The following PIBF1 variants were observed in gnomAD, a reference collection of about 807,000 sequenced individuals.
The protein encoded by PIBF1 is progesterone immunomodulatory binding factor 1, also known as progesterone-induced-blocking factor 1.
Under a neutral mutation model 112.5 loss-of-function variants are expected in PIBF1, and 90 were observed. That is an observed-to-expected ratio of 0.80 (90% confidence interval 0.67 to 0.95). The LOEUF (loss-of-function observed/expected upper bound fraction) is 0.95, where lower values mean the gene tolerates loss of function less well. Ranked by LOEUF, PIBF1 falls within the 40% of genes least tolerant of loss-of-function variation. PIBF1 has a pLI of 0.00. For synonymous variants in PIBF1, 301 were observed against 288.6 expected, an observed-to-expected ratio of 1.04 and a Z score of -0.44; for missense variants, 915 against 852.3, an observed-to-expected ratio of 1.07 and a Z score of -0.92.
chr13:72,847,279 G>A (rs2037918776), intron 9 of PIBF1, among the ~76,000 whole-genome samples: 1 of 152,158 alleles, frequency 6.6e-6, no homozygotes, highest in Non-Finnish European at 1.5e-5. Context: ...AGCACCAATT[G>A]TCTTCAGTCC....
chr13:72,925,952 A>G (rs896347147), intron 13 of PIBF1, among the ~76,000 whole-genome samples: 2 of 151,808 alleles, frequency 1.3e-5, no homozygotes, highest in African/African-American at 2.4e-5. Flanking sequence ...AGTTTATCCA[A>G]TTTTTTTTGT....
intron 12 of PIBF1, among the ~76,000 whole-genome samples, chr13:72,916,851 T>G (rs901507544): frequency 5.9e-5 from 9 of 152,138 alleles, no homozygotes; most frequent in Admixed American, 3.9e-4. Context: ...CATGATATGA[T>G]GCAATCCCTT....
At chr13:72,911,274 T>C (rs868262601) in intron 12 of PIBF1, among the ~76,000 whole-genome samples, 19 of 152,148 alleles carry the variant, frequency 1.2e-4, no homozygotes, top group African/African-American at 4.3e-4. Context: ...GATAATACAG[T>C]ACTGGCTTAA....
At chr13:72,969,001 G>A (rs1265445333) in intron 15 of PIBF1, among the ~76,000 whole-genome samples, 2 of 151,624 alleles carry the variant, frequency 1.3e-5, no homozygotes, top group African/African-American at 4.9e-5. Flanking sequence ...CTGCACTCCA[G>A]CCTGGGTGAC....
intron 9 of PIBF1, among the ~76,000 whole-genome samples, chr13:72,847,035 G>C (rs1040004167): frequency 3.3e-5 from 5 of 152,166 alleles, no homozygotes; most frequent in Admixed American, 2.0e-4. Flanking sequence ...GTCGTTTGAA[G>C]ATATATAGTA....
intron 14 of PIBF1, among the ~76,000 whole-genome samples, chr13:72,943,747 A>T (rs1411682146): frequency 6.6e-6 from 1 of 152,154 alleles, no homozygotes; most frequent in Non-Finnish European, 1.5e-5. Flanking sequence ...TTCTCTGATT[A>T]TGTCTTAAGT....
intron 17 of PIBF1, among the ~76,000 whole-genome samples, chr13:73,013,287 C>G (rs1481198961): frequency 1.8e-5 from 2 of 112,704 alleles, no homozygotes; most frequent in African/African-American, 3.9e-5. Flanking sequence ...GGCGACAGAG[C>G]GAGACTCTGT....
chr13:72,987,842 A>ATTTTTTTTTTTTTTTT (rs1566521999), intron 16 of PIBF1, among the ~76,000 whole-genome samples: 1 of 66,438 alleles, frequency 1.5e-5, no homozygotes, highest in African/African-American at 6.9e-5. Flanking sequence ...TTTGTAATTT[A>ATTTTTTTTTTTTTTTT]TTTATTTATT....
chr13:73,006,190 A>T (rs2044029621), intron 17 of PIBF1, among the ~76,000 whole-genome samples: 1 of 152,150 alleles, frequency 6.6e-6, no homozygotes, highest in Non-Finnish European at 1.5e-5. Context: ...AAGTGCTGGG[A>T]TTACAGGCAT....
chr13:72,831,379 C>T (rs1029288091), intron 8 of PIBF1, among the ~76,000 whole-genome samples: 1 of 152,148 alleles, frequency 6.6e-6, no homozygotes, highest in Non-Finnish European at 1.5e-5. Flanking sequence ...TTAGATCTTT[C>T]CTGACTTCTC....
chr13:72,792,508 G>A lies in PIBF1; in HGVS notation c.314G>A (p.Arg105Lys). 6.4e-7 allele frequency: 1 copy of A among 1,570,092 alleles called. No individual in the cohort carries two copies. The highest frequency in any genetic ancestry group is 8.6e-7 in the Non-Finnish European group (1 of 1,163,030). Residue 105 changes from arginine to lysine, a missense_variant, in exon 3 of 18, where the codon AGA (arginine) becomes AAA (lysine). Transcript: ENST00000326291. ...CACCAGAAGCAGCTACTAACATTGA[G>A]ATTAGACAACCAATTGGCTTTTCAA... ...ALHQKQLLTLRLDNQLAFQQK... is the reference protein window; with the variant it reads ...ALHQKQLLTLKLDNQLAFQQK...
At chr13:72,834,913 A>G (rs1040240354) in intron 8 of PIBF1, among the ~76,000 whole-genome samples, 1 of 152,186 alleles carries the variant, frequency 6.6e-6, no homozygotes, top group African/African-American at 2.4e-5. Flanking sequence ...AATGAAGGAC[A>G]TTCTCAATTT....
intron 10 of PIBF1, among the ~76,000 whole-genome samples, chr13:72,869,474 G>A (rs1195732721): frequency 8.2e-6 from 1 of 122,580 alleles, no homozygotes; most frequent in Non-Finnish European, 1.6e-5. Flanking sequence ...TGTGGGGTGG[G>A]GGGAGGGGGA....
At chr13:73,009,418 G>A (rs1270049524) in intron 17 of PIBF1, among the ~76,000 whole-genome samples, 1 of 152,212 alleles carries the variant, frequency 6.6e-6, no homozygotes, top group Non-Finnish European at 1.5e-5. Context: ...CGTGATCCCA[G>A]CAGCCTCTGT....
At chr13:72,873,469 C>A (rs1305192102) in intron 10 of PIBF1, among the ~76,000 whole-genome samples, 1 of 152,084 alleles carries the variant, frequency 6.6e-6, no homozygotes, top group African/African-American at 2.4e-5. Flanking sequence ...TGGGCACGAT[C>A]TCTGCTCACT....
intron 10 of PIBF1, among the ~76,000 whole-genome samples, chr13:72,882,952 G>A (rs936967871): frequency 1.3e-5 from 2 of 152,052 alleles, no homozygotes; most frequent in Non-Finnish European, 2.9e-5. Flanking sequence ...AATGATTGCT[G>A]GATCATATGG....
chr13:73,007,943 C>T (rs906342448), intron 17 of PIBF1, among the ~76,000 whole-genome samples: 1 of 152,114 alleles, frequency 6.6e-6, no homozygotes, highest in Non-Finnish European at 1.5e-5. Flanking sequence ...GTGTTTGGAA[C>T]AGGGCTATCA....
chr13:72,806,360 T>C (rs76193600), intron 5 of PIBF1, among the ~76,000 whole-genome samples: 1,646 of 150,458 alleles, frequency 0.011, 27 homozygotes, highest in African/African-American at 0.038. Flanking sequence ...TGTTGTAGCA[T>C]GTGACAGAAT....
At chr13:72,847,210 A>C (rs2037915800) in intron 9 of PIBF1, among the ~76,000 whole-genome samples, 1 of 152,196 alleles carries the variant, frequency 6.6e-6, no homozygotes, top group African/African-American at 2.4e-5. Context: ...ATTTGGGTTC[A>C]ATGTTTATCT....
Sources: gnomAD v4.1 joint callset for allele counts (sites outside exome capture counted in the v4.1 genomes callset) on GRCh38, gnomAD v4.1.1 for gene constraint, MANE v1.5 for transcripts, NCBI Gene and HGNC (gene_info 2026-07-23, HGNC 2026-07-21) for gene names.